Variants in GREB1 observed in about 807,000 individuals in gnomAD.
The protein encoded by GREB1 is growth regulating estrogen receptor binding 1, also known as protein GREB1.
A neutral mutation model predicts 200.7 loss-of-function variants in GREB1; 106 were observed. That is an observed-to-expected ratio of 0.53 (90% CI 0.45 to 0.62). The LOEUF is 0.62. Among genes scored for constraint, GREB1 ranks in the 20% least tolerant of loss-of-function variants. The pLI is 0.00. For missense variants in GREB1, 2,243 were observed against 2,556.8 expected, an observed-to-expected ratio of 0.88 and a Z score of 2.65; for synonymous variants, 1,132 against 1,092.4, an observed-to-expected ratio of 1.04 and a Z score of -0.72.
At chr2:11,526,842 GC>G (rs1302376654) in intron 1 of GREB1, among the ~76,000 whole-genome samples, 1 of 152,096 alleles carries the variant, frequency 6.6e-6, no homozygotes, top group African/African-American at 2.4e-5. Context: ...ATAGGCATGA[GC>G]CACCGCTCCC....
Position 11,596,224 on chromosome 2 carries a change from A to G in GREB1, c.1939A>G (p.Thr647Ala). Residue 647 changes from threonine (T) to alanine (A), a missense_variant, in exon 13 of 33, where the codon ACA (threonine) becomes GCA (alanine). By Grantham distance (58) the Thr-to-Ala change is moderately conservative (BLOSUM62 0). Transcript: ENST00000381486. ...TKAASLDVSG[T>A]PVCTSYNLEP... The stretch of plus-strand genomic sequence containing the variant: ...AGCAGCATCCCTGGATGTCAGTGGG[A>G]CACCGGTGTGCACAAGTGAGTGGTG... 1 of 1,613,450 alleles carries G rather than the reference A, an allele frequency of 6.2e-7. No individual in the cohort carries two copies. Among genetic ancestry groups the G allele is most frequent in the Non-Finnish European group, 8.5e-7 (1 of 1,179,556 alleles).
At chr2:11,608,927 C>T (rs557133799) in intron 17 of GREB1, among the ~76,000 whole-genome samples, 6 of 152,264 alleles carry the variant, frequency 3.9e-5, no homozygotes, top group African/African-American at 9.6e-5. Context: ...GAATCTGATA[C>T]CTCTCCTCAA....
At chr2:11,552,849 A>C (rs1676027109) in intron 1 of GREB1, among the ~76,000 whole-genome samples, 1 of 151,974 alleles carries the variant, frequency 6.6e-6, no homozygotes, top group African/African-American at 2.4e-5. Flanking sequence ...GTCTCTACTA[A>C]AAATACAAAA....
chr2:11,577,450 C>G (rs924066157), intron 5 of GREB1, among the ~76,000 whole-genome samples: 3 of 152,242 alleles, frequency 2.0e-5, no homozygotes, highest in African/African-American at 7.2e-5. Flanking sequence ...CGTTGCTGGT[C>G]TCTGAAGAAG....
chr2:11,616,675 CGCTCCCACGACTCAG>C lies in GREB1; in HGVS notation c.3368_3382del (p.Arg1123_Ala1128delinsPro). The C allele has an allele frequency of 1.2e-6, 2 of 1,613,322 alleles. No individual in the cohort carries two copies. The highest frequency in any genetic ancestry group is 1.1e-5 in the South Asian group (1 of 91,038). ...AAGCCCCATGAAAAGGGAGAGGTCC[CGCTCCCACGACTCAG>C]CATCCTCATCCCTCTCCTCCAAGGC... On this transcript the variant is annotated inframe_deletion, in exon 21 of 33. Transcript: ENST00000381486.
chr2:11,610,958 C>T lies in GREB1; in HGVS notation c.2937C>T (p.His979=), dbSNP rs777764852. The T allele has an allele frequency of 6.2e-7, 1 of 1,609,554 alleles. No homozygotes were observed. Among genetic ancestry groups the T allele is most frequent in the South Asian group, 1.1e-5 (1 of 90,538 alleles). ...GGGCCCGGCTGGCGCTGGAGGAGCACTTTGAGATCATCCTGGGCAGTCCCA... is the reference window on the plus strand; with the variant it reads ...GGGCCCGGCTGGCGCTGGAGGAGCATTTTGAGATCATCCTGGGCAGTCCCA... ...HVRARLALEE[H]FEIILGSPSS... is the part of the protein sequence containing the mutation. The change falls in exon 18 of 33, where the codon CAC becomes CAT. Residue 979 remains histidine (H), a synonymous_variant. Transcript: ENST00000381486.
intron 2 of GREB1, chr2:11,561,765 G>A (rs1368807508): frequency 6.6e-6 from 1 of 152,200 alleles, no homozygotes; most frequent in Non-Finnish European, 1.5e-5. Context: ...CGTTCAGGGT[G>A]GTATGGCCAT....
intron 1 of GREB1, among the ~76,000 whole-genome samples, chr2:11,496,825 C>G (rs1458591655): frequency 6.6e-6 from 1 of 152,128 alleles, no homozygotes; most frequent in Admixed American, 6.5e-5. Context: ...ATAGTTCCAC[C>G]CTGATAAAAA....
chr2:11,578,732 T>G (rs7578132), intron 6 of GREB1, among the ~76,000 whole-genome samples: 1 of 151,888 alleles, frequency 6.6e-6, no homozygotes, highest in African/African-American at 2.4e-5. Flanking sequence ...GAGCTCTCTA[T>G]GTAAAGATGC....
chr2:11,559,323 G>A (rs1204425460), intron 2 of GREB1, among the ~76,000 whole-genome samples: 1 of 152,156 alleles, frequency 6.6e-6, no homozygotes, highest in Non-Finnish European at 1.5e-5. Context: ...ATGTCCCCTC[G>A]AGCTTGTTGC....
intron 17 of GREB1, among the ~76,000 whole-genome samples, chr2:11,603,317 C>T (rs1480780142): frequency 2.0e-5 from 3 of 152,182 alleles, no homozygotes; most frequent in East Asian, 1.9e-4. Flanking sequence ...GGTTTCTACC[C>T]GCTTTTCTTA....
rs985633395 is a variant in GREB1, at chr2:11,641,537, G to C, written c.*1083G>C. Reference sequence around the variant, plus strand: ...CTCTAGCTCTGTCACCCAGGCTGGAGTGCAGTGGTGCGATCTCGGCTCACT... The same window carrying C: ...CTCTAGCTCTGTCACCCAGGCTGGACTGCAGTGGTGCGATCTCGGCTCACT... On this transcript the variant is annotated 3_prime_UTR_variant, in exon 33 of 33. Coordinates refer to ENST00000381486, the MANE Select transcript of GREB1 (RefSeq NM_014668.4). 4 of 152,248 alleles carry C rather than the reference G, an allele frequency of 2.6e-5. No individual in the cohort carries two copies. Among genetic ancestry groups the C allele is most frequent in the African/African-American group, 7.2e-5 (3 of 41,400 alleles). 9.4% of individuals were successfully genotyped at this position (152,248 alleles called of 1,614,324 possible). A position where few individuals can be genotyped will look rare whatever the true frequency, so the allele number is the denominator to read the frequency against.
intron 1 of GREB1, among the ~76,000 whole-genome samples, chr2:11,528,565 A>C (rs565037686): frequency 6.6e-6 from 1 of 152,010 alleles, no homozygotes; most frequent in Non-Finnish European, 1.5e-5. Flanking sequence ...TCACAATCAC[A>C]ATTATAGTTC....
Position 11,640,599 on chromosome 2 carries a change from G to A in GREB1, c.*145G>A. On this transcript the variant is annotated 3_prime_UTR_variant, in exon 33 of 33. Coordinates refer to ENST00000381486, the MANE Select transcript of GREB1 (RefSeq NM_014668.4). This position sits in a 1 kb window ranked among gnomAD's most constrained non-coding sequence, Gnocchi z 4.6. Reference sequence around the variant, plus strand: ...GTGCAGCCCCTCCTAGTACACATGGGCCCCCGAGGCCGTGGTCCTGGGAGC... The same window carrying A: ...GTGCAGCCCCTCCTAGTACACATGGACCCCCGAGGCCGTGGTCCTGGGAGC... The A allele has an allele frequency of 3.5e-6, 3 of 865,184 alleles. No homozygotes were observed. Among genetic ancestry groups the A allele is most frequent in the South Asian group, 1.7e-5 (1 of 59,942 alleles). The allele number at this position is 865,184 out of a possible 1,614,324, so 53.6% of individuals were successfully genotyped here.
intron 9 of GREB1, 60 bp from the exon 10 acceptor site, chr2:11,588,686 T>G: frequency 2.0e-6 from 3 of 1,476,808 alleles, no homozygotes; most frequent in Non-Finnish European, 2.8e-6. Context: ...AGAACCCACA[T>G]GTATGGGACC....
At position 11,618,609 on chromosome 2, in the gene GREB1, C is replaced by G. The variant is rs1683721338; in HGVS notation, c.3734C>G (p.Ser1245Cys). ...PAAGTWVLQA[S>C]QCSLTKACRQ... The stretch of plus-strand genomic sequence containing the variant: ...GCCGGCACGTGGGTCCTGCAGGCCT[C>G]CCAGTGCTCCTTGACCAAGGCCTGC... The change falls in exon 22 of 33, where the codon TCC becomes TGC. Residue 1245 changes from serine to cysteine, a missense_variant. Physicochemically the swap from Ser to Cys is moderately radical, Grantham distance 112. This residue lies in a region of GREB1 where 587 missense variants were observed against 553.1 expected (regional missense o/e 1.06). Coordinates refer to ENST00000381486, the MANE Select transcript of GREB1 (RefSeq NM_014668.4). 1.2e-6 allele frequency: 2 copies of G among 1,613,126 alleles called. No individual in the cohort carries two copies. Among genetic ancestry groups the G allele is most frequent in the Non-Finnish European group, 1.7e-6 (2 of 1,179,930 alleles).
chr2:11,515,944 C>T (rs1026428402), intron 1 of GREB1, among the ~76,000 whole-genome samples: 2 of 152,170 alleles, frequency 1.3e-5, no homozygotes, highest in South Asian at 2.1e-4. Flanking sequence ...GACAGCACTT[C>T]GGGCATGCCG....
At chr2:11,617,801 G>T (rs1374663703) in intron 21 of GREB1, among the ~76,000 whole-genome samples, 7 of 152,154 alleles carry the variant, frequency 4.6e-5, no homozygotes, top group African/African-American at 1.7e-4. Flanking sequence ...ACGGGGAAAG[G>T]TCAGAGGTCA....
rs759050671 is a variant in GREB1 at position 11,597,735 on chromosome 2, C to G, written c.1955-46C>G. 1 of 1,560,574 alleles carries G rather than the reference C, an allele frequency of 6.4e-7. No homozygotes were observed. Among genetic ancestry groups the G allele is most frequent in the East Asian group, 2.2e-5 (1 of 44,572 alleles). On this transcript the variant is annotated intron_variant, in intron 13 of 32. Coordinates refer to ENST00000381486, the MANE Select transcript of GREB1 (RefSeq NM_014668.4). The surrounding 1 kb of genome is among the most constrained non-coding windows in gnomAD (Gnocchi z 4.1). ...TCTCTGGCCAAGGGCCTGGCAGTAG[C>G]CGTGTGCCCTGGAGCTCACCTGGCA...
Sources: allele counts gnomAD v4.1 joint callset (sites outside exome capture counted in the v4.1 genomes callset), GRCh38; gene constraint gnomAD v4.1.1; regional missense constraint gnomAD v4.1.1; non-coding constraint Gnocchi (gnomAD v3.1); transcripts MANE v1.5; gene names NCBI Gene and HGNC (gene_info 2026-07-23, HGNC 2026-07-21).